The following PPARGC1A variants were observed in gnomAD, a reference collection of about 807,000 sequenced individuals.
The protein encoded by PPARGC1A is PPARG coactivator 1 alpha, also known as peroxisome proliferator-activated receptor gamma coactivator 1-alpha.
PPARGC1A carries 25 observed loss-of-function variants against 88.7 expected under a neutral mutation model. The observed-to-expected ratio is 0.28, with a 90% CI of 0.21 to 0.39. The LOEUF (loss-of-function observed/expected upper bound fraction) is 0.39, where lower values mean the gene tolerates loss of function less well. Ranked by LOEUF, PPARGC1A falls within the 10% of genes least tolerant of loss-of-function variation. The pLI is 1.00. For missense variants in PPARGC1A, 880 were observed against 968.7 expected (o/e 0.91, Z 1.22); for synonymous variants, 363 against 355.6 (o/e 1.02, Z -0.24).
the PPARGC1A span, among the ~76,000 whole-genome samples, chr4:23,979,672 G>A: frequency 2.6e-4 from 39 of 152,324 alleles, no homozygotes; most frequent in African/African-American, 8.7e-4. Context: ...AACCCTGCGG[G>A]GGGGACAAGA....
chr4:24,191,631 T>C, the PPARGC1A span, among the ~76,000 whole-genome samples: 1 of 150,732 alleles, frequency 6.6e-6, no homozygotes, highest in Non-Finnish European at 1.5e-5. Flanking sequence ...ACAAGAGAAC[T>C]CTCCAGCCTG....
chr4:24,256,493 T>A, the PPARGC1A span, among the ~76,000 whole-genome samples: 2 of 152,190 alleles, frequency 1.3e-5, no homozygotes, highest in Non-Finnish European at 2.9e-5. Context: ...ACCCTTCGTA[T>A]CTCAATATAT....
chr4:23,853,454 T>C (rs1237977506), intron 2 of PPARGC1A, among the ~76,000 whole-genome samples: 2 of 152,144 alleles, frequency 1.3e-5, no homozygotes, highest in African/African-American at 2.4e-5. Context: ...ATGAGACACA[T>C]TTTGAGGAGG....
the PPARGC1A span, among the ~76,000 whole-genome samples, chr4:23,962,865 G>A: frequency 6.6e-6 from 1 of 152,098 alleles, no homozygotes; most frequent in African/African-American, 2.4e-5. Context: ...TAAAAGAAGG[G>A]AGGCCTCTTA....
chr4:24,201,678 T>G, the PPARGC1A span, among the ~76,000 whole-genome samples: 1 of 152,158 alleles, frequency 6.6e-6, no homozygotes, highest in African/African-American at 2.4e-5. Flanking sequence ...CCTTATGAAA[T>G]AGAAAAACAA....
the PPARGC1A span, among the ~76,000 whole-genome samples, chr4:24,451,436 T>A: frequency 6.6e-6 from 1 of 152,212 alleles, no homozygotes; most frequent in African/African-American, 2.4e-5. Flanking sequence ...CATATGTACA[T>A]AGGTCAGTTG....
the PPARGC1A span, among the ~76,000 whole-genome samples, chr4:24,223,250 ATT>A: frequency 6.1e-4 from 82 of 135,356 alleles, 1 homozygote; most frequent in African/African-American, 2.2e-3. Context: ...ACTTTTGTGG[ATT>A]TTTTTTTTTT....
chr4:23,962,213 A>G, the PPARGC1A span, among the ~76,000 whole-genome samples: 1 of 152,230 alleles, frequency 6.6e-6, no homozygotes, highest in South Asian at 2.1e-4. Context: ...AAGTCTCAAT[A>G]TCAACTCCAC....
At chr4:24,414,419 G>A in the PPARGC1A span, among the ~76,000 whole-genome samples, 1 of 152,114 alleles carries the variant, frequency 6.6e-6, no homozygotes, top group Non-Finnish European at 1.5e-5. Flanking sequence ...ATAGATAGGG[G>A]CAAAGGATGA....
the PPARGC1A span, among the ~76,000 whole-genome samples, chr4:24,421,891 G>T: frequency 1.3e-5 from 2 of 152,008 alleles, no homozygotes; most frequent in Non-Finnish European, 1.5e-5. Flanking sequence ...GCTTTTCCAT[G>T]GTAGTGATAG....
chr4:24,060,332 C>T, the PPARGC1A span, among the ~76,000 whole-genome samples: 2 of 152,168 alleles, frequency 1.3e-5, no homozygotes, highest in South Asian at 4.1e-4. Flanking sequence ...AGGAAATATA[C>T]CCCGTTAAAC....
At chr4:24,430,241 GATATTT>G in the PPARGC1A span, among the ~76,000 whole-genome samples, 1 of 146,848 alleles carries the variant, frequency 6.8e-6, no homozygotes, top group Admixed American at 6.8e-5. Context: ...AATTCACCCC[GATATTT>G]TGTATTTCTT....
At chr4:23,824,254 A>C in intron 7 of PPARGC1A, 26 bp downstream of exon 7, 1 of 1,583,492 alleles carries the variant, frequency 6.3e-7, no homozygotes, top group Non-Finnish European at 8.7e-7. Flanking sequence ...GACACACACA[A>C]GTTCTAAGTG....
chr4:23,926,543 C>T, the PPARGC1A span, among the ~76,000 whole-genome samples: 3 of 152,176 alleles, frequency 2.0e-5, no homozygotes, highest in African/African-American at 7.2e-5. Context: ...AGCGCTTGAA[C>T]ATGGCAGGAA....
At chr4:23,931,656 T>C in the PPARGC1A span, among the ~76,000 whole-genome samples, 2 of 152,126 alleles carry the variant, frequency 1.3e-5, no homozygotes, top group African/African-American at 2.4e-5. Context: ...GCCTCTGGCA[T>C]ACTTACCTAA....
the PPARGC1A span, among the ~76,000 whole-genome samples, chr4:24,387,592 C>T: frequency 6.6e-6 from 1 of 151,730 alleles, no homozygotes; most frequent in African/African-American, 2.4e-5. Context: ...AGCATGGTAG[C>T]TCATGCTGGT....
chr4:24,043,247 C>T, the PPARGC1A span, among the ~76,000 whole-genome samples: 10 of 152,136 alleles, frequency 6.6e-5, no homozygotes, highest in Non-Finnish European at 1.5e-4. Context: ...TCCCCTATCC[C>T]GACGCCATCC....
the PPARGC1A span, among the ~76,000 whole-genome samples, chr4:23,911,218 C>A: frequency 1.3e-5 from 2 of 152,084 alleles, no homozygotes; most frequent in Non-Finnish European, 2.9e-5. Flanking sequence ...ATTCCTCCCC[C>A]CTCCCCTACT....
chr4:24,151,248 T>G, the PPARGC1A span, among the ~76,000 whole-genome samples: 2 of 152,136 alleles, frequency 1.3e-5, no homozygotes, highest in African/African-American at 4.8e-5. Flanking sequence ...CAACAGAAAT[T>G]TATTTATCAC....
Sources: gnomAD v4.1 joint callset for allele counts (sites outside exome capture counted in the v4.1 genomes callset) on GRCh38, gnomAD v4.1.1 for gene constraint, MANE v1.5 for transcripts, NCBI Gene and HGNC (gene_info 2026-07-23, HGNC 2026-07-21) for gene names.